The following FAIM2 variants were observed in gnomAD, a reference collection of about 807,000 sequenced individuals.
FAIM2 encodes the protein Fas apoptotic inhibitory molecule 2.
A neutral mutation model predicts 47.4 loss-of-function variants in FAIM2; 27 were observed. The ratio of observed to expected loss-of-function variants is 0.57; its 90% CI spans 0.42 to 0.78. The LOEUF (loss-of-function observed/expected upper bound fraction) is 0.78. Ranked by LOEUF, FAIM2 falls within the 30% of genes least tolerant of loss-of-function variation. FAIM2 has a pLI of 0.00. For synonymous variants in FAIM2, 156 were observed against 159.3 expected (o/e 0.98, Z 0.16); for missense variants, 311 against 389.4 (o/e 0.80, Z 1.69).
At chr12:49,878,024 G>T (rs1592784876) in intron 11 of FAIM2, among the ~76,000 whole-genome samples, 1 of 150,500 alleles carries the variant, frequency 6.6e-6, no homozygotes, top group Non-Finnish European at 1.5e-5. Context: ...GTATGTGTGA[G>T]TGTGGGTATG....
At chr12:49,890,180 A>G (rs759627636) in intron 7 of FAIM2, 26 bp from the exon 8 acceptor site, 2 of 1,613,690 alleles carry the variant, frequency 1.2e-6, no homozygotes, top group South Asian at 1.1e-5. Flanking sequence ...GGGTAAAGGA[A>G]TGTTCCAAAC....
rs3049277 is a variant in FAIM2 at position 49,871,669 on chromosome 12, C to CTT, written c.802-1018_802-1017dup. Among the ~76,000 whole-genome samples, 241 of 141,528 alleles carry CTT rather than the reference C, an allele frequency of 1.7e-3. 1 individual carries two copies. The highest frequency in any genetic ancestry group is 0.015 in the South Asian group (67 of 4,468). The allele number at this position is 141,528 out of a possible 152,430, so 92.8% of individuals were successfully genotyped here. On this transcript the variant is annotated intron_variant, in intron 11 of 11. Coordinates refer to ENST00000320634, the MANE Select transcript of FAIM2 (RefSeq NM_012306.4). ...AATTTTTTTTCTTTTCTTTTCTTTT[C>CTT]TTTTTTTTTTTTTTGAGACAGAGTT...
intron 10 of FAIM2, 41 bp from the exon 11 acceptor site, chr12:49,887,480 G>A (rs1378945243): frequency 1.3e-6 from 2 of 1,574,508 alleles, no homozygotes; most frequent in Non-Finnish European, 1.7e-6. Context: ...GACAAGAAGG[G>A]GCAGCAGTCA....
At chr12:49,901,499 C>T (rs1946982196) in intron 1 of FAIM2, 174 bp from the exon 2 acceptor site, 6 of 541,310 alleles carry the variant, frequency 1.1e-5, no homozygotes, top group Non-Finnish European at 1.6e-5. Context: ...GAACTAAGCT[C>T]CAGAGGGGTC....
rs1171589684 is a variant in FAIM2 at position 49,879,206 on chromosome 12, ATGAG to A, written c.801+8176_801+8179del. ...TGTGTATGCATGTGTATGTATGTGTATGAGTGTGTATGTGCATGTGTGTATGTAT... is the reference window on the plus strand; with the variant it reads ...TGTGTATGCATGTGTATGTATGTGTATGTGTATGTGCATGTGTGTATGTAT... On this transcript the variant is annotated intron_variant, in intron 11 of 11. Transcript: ENST00000320634. Among the ~76,000 whole-genome samples, 333 of 95,280 alleles carry A rather than the reference ATGAG, an allele frequency of 3.5e-3. 53 individuals are homozygous for A. In the South Asian group the frequency reaches 0.037, roughly 11 times the overall value. The allele number at this position is 95,280 out of a possible 152,430, so 62.5% of individuals were successfully genotyped here.
intron 7 of FAIM2, among the ~76,000 whole-genome samples, chr12:49,890,419 T>C (rs1218782146): frequency 1.3e-5 from 2 of 152,150 alleles, no homozygotes; most frequent in East Asian, 3.9e-4. Context: ...TTCATTACCA[T>C]AGCTCTAGGA....
chr12:49,869,458 A>G lies in FAIM2; in HGVS notation c.*1046T>C, dbSNP rs1005606942. ...CCTGGCTGGGGACGAGCCAGCAAAC[A>G]GCAGCTGACAGGAAGGGTTTAGGAA... On this transcript the variant is annotated 3_prime_UTR_variant, in exon 12 of 12. Transcript: ENST00000320634. 6.5e-6 allele frequency: 1 copy of G among 153,100 alleles called. No homozygotes were observed. The highest frequency in any genetic ancestry group is 2.4e-5 in the African/African-American group (1 of 41,446). The allele number at this position is 153,100 out of a possible 1,614,324, so 9.5% of individuals were successfully genotyped here. A position where few individuals can be genotyped will look rare whatever the true frequency, so the allele number is the denominator to read the frequency against.
At chr12:49,876,116 G>C (rs1308398742) in intron 11 of FAIM2, among the ~76,000 whole-genome samples, 2 of 152,212 alleles carry the variant, frequency 1.3e-5, no homozygotes, top group African/African-American at 4.8e-5. Flanking sequence ...AAGAACATAG[G>C]CTGGGGAGTC....
At position 49,874,983 on chromosome 12, in the gene FAIM2, A is replaced by G. The variant is rs1946726127; in HGVS notation, c.802-4330T>C. 6.6e-6 allele frequency among the ~76,000 whole-genome samples: 1 copy of G among 152,214 alleles called. No individual in the cohort carries two copies. On this transcript the variant is annotated intron_variant, in intron 11 of 11. Coordinates refer to ENST00000320634, the MANE Select transcript of FAIM2 (RefSeq NM_012306.4). The surrounding 1 kb of genome is among the most constrained non-coding windows in gnomAD (Gnocchi z 4.2). ...CCCATAAAACTATACACGTCAGAGG[A>G]GCGCACATAGCAAATATCTATGAAA...
chr12:49,901,048 A>T, intron 2 of FAIM2, 82 bp downstream of exon 2: 1 of 1,135,512 alleles, frequency 8.8e-7, no homozygotes, highest in Non-Finnish European at 1.2e-6. Flanking sequence ...CTCTTTCTGG[A>T]CAACTTCCTC....
chr12:49,880,263 CGTATGT>C (rs1364072533), intron 11 of FAIM2, among the ~76,000 whole-genome samples: 1 of 134,884 alleles, frequency 7.4e-6, no homozygotes, highest in East Asian at 2.3e-4. Context: ...TGTATATGTG[CGTATGT>C]GTATATGTAT....
chr12:49,903,212 C>G (rs142968518), intron 1 of FAIM2, among the ~76,000 whole-genome samples: 417 of 152,346 alleles, frequency 2.7e-3, no homozygotes, highest in African/African-American at 9.8e-3. Flanking sequence ...CCATGCCTGG[C>G]CAAAACCAAA....
chr12:49,879,036 G>A (rs1277498350), intron 11 of FAIM2, among the ~76,000 whole-genome samples: 1 of 135,926 alleles, frequency 7.4e-6, no homozygotes, highest in Non-Finnish European at 1.6e-5. Flanking sequence ...GTGTGTCTGT[G>A]TGCATGAGTT....
intron 11 of FAIM2, among the ~76,000 whole-genome samples, chr12:49,880,305 CATGTGTGTATGTGT>C (rs1419447995): frequency 1.5e-5 from 2 of 136,466 alleles, no homozygotes; most frequent in Non-Finnish European, 1.6e-5. Flanking sequence ...TGTGTATGTG[CATGTGTGTATGTGT>C]ATGTGTGTCT....
chr12:49,877,766 G>T (rs891020544), intron 11 of FAIM2, among the ~76,000 whole-genome samples: 1 of 152,030 alleles, frequency 6.6e-6, no homozygotes, highest in Non-Finnish European at 1.5e-5. Flanking sequence ...GTGTATGTGC[G>T]TATGTATATG....
At chr12:49,901,429 C>T (rs1946981775) in intron 1 of FAIM2, 104 bp from the exon 2 acceptor site, 2 of 869,688 alleles carry the variant, frequency 2.3e-6, no homozygotes, top group Non-Finnish European at 3.4e-6. Context: ...ATGGTTCCTT[C>T]CTTACCTGCA....
intron 8 of FAIM2, 111 bp downstream of exon 8, chr12:49,890,006 G>T: frequency 9.3e-7 from 1 of 1,079,110 alleles, no homozygotes. Context: ...CTGAGCCCCC[G>T]GGCCCATCCA....
At chr12:49,880,285 T>C (rs1216791364) in intron 11 of FAIM2, among the ~76,000 whole-genome samples, 13 of 148,290 alleles carry the variant, frequency 8.8e-5, no homozygotes, top group African/African-American at 3.0e-4. Flanking sequence ...TGTATGCATA[T>C]GAGTGTATCT....
At chr12:49,887,296 AG>A in intron 11 of FAIM2, 89 bp downstream of exon 11, 1 of 1,190,070 alleles carries the variant, frequency 8.4e-7, no homozygotes, top group Non-Finnish European at 1.2e-6. Flanking sequence ...TCCAGGGAAG[AG>A]GGCTGTGAGG....
Sources: allele counts gnomAD v4.1 joint callset (sites outside exome capture counted in the v4.1 genomes callset), GRCh38; gene constraint gnomAD v4.1.1; non-coding constraint Gnocchi (gnomAD v3.1); transcripts MANE v1.5; gene names NCBI Gene and HGNC (gene_info 2026-07-23, HGNC 2026-07-21).